The following LRP5 variants were observed in gnomAD, a reference collection of about 807,000 sequenced individuals.
The protein encoded by LRP5 is LDL receptor related protein 5.
In LRP5, 62 loss-of-function variants were observed where a neutral mutation model predicts 154.1. The observed-to-expected ratio is 0.40, with a 90% CI of 0.33 to 0.50. The LOEUF (loss-of-function observed/expected upper bound fraction) is 0.50, where lower values mean the gene tolerates loss of function less well. LRP5 is among the 20% of genes least tolerant of loss of function. The pLI, the probability that LRP5 is intolerant of heterozygous loss-of-function variation, is 0.55. For missense variants in LRP5, 1,915 were observed against 2,336.7 expected (o/e 0.82, Z 3.72); for synonymous variants, 966 against 1,011.5 (o/e 0.96, Z 0.85).
At chr11:68,302,437 C>T in the LRP5 span, among the ~76,000 whole-genome samples, 16 of 151,696 alleles carry the variant, frequency 1.1e-4, no homozygotes, top group African/African-American at 3.9e-4. Flanking sequence ...CCCATGCTTG[C>T]GGGGAGGGGG....
intron 7 of LRP5, among the ~76,000 whole-genome samples, chr11:68,395,660 C>T (rs956644596): frequency 6.6e-6 from 1 of 152,110 alleles, no homozygotes; most frequent in Non-Finnish European, 1.5e-5. Flanking sequence ...CCCTCTGTGG[C>T]CCTGGTGGCG....
At position 68,447,386 on chromosome 11, in the gene LRP5, C is replaced by T. The variant is rs1293717427; in HGVS notation, c.4586+853C>T. ...CAGCAGGGCCTCCCGAGTGTGGTGC[C>T]GCCTGCCACCTAGTGGCCATTTCCA... is the stretch of plus-strand genomic sequence containing the variant. On this transcript the variant is annotated intron_variant, in intron 22 of 22. Coordinates refer to ENST00000294304, the MANE Select transcript of LRP5 (RefSeq NM_002335.4). The surrounding 1 kb of genome is among the most constrained non-coding windows in gnomAD (Gnocchi z 4.3). Among the ~76,000 whole-genome samples the T allele has an allele frequency of 6.6e-6, 1 of 152,174 alleles. No individual in the cohort carries two copies. The highest frequency in any genetic ancestry group is 6.5e-5 in the Admixed American group (1 of 15,286).
At chr11:68,323,894 G>A (rs916697611) in intron 1 of LRP5, among the ~76,000 whole-genome samples, 4 of 152,186 alleles carry the variant, frequency 2.6e-5, no homozygotes, top group Admixed American at 6.5e-5. Context: ...CTGCAGTGCC[G>A]GAGGACTCCT....
upstream of LRP5, among the ~76,000 whole-genome samples, chr11:68,310,295 G>A (rs905583068): frequency 6.6e-6 from 1 of 152,218 alleles, no homozygotes; most frequent in Admixed American, 6.5e-5. Flanking sequence ...AGCAGAAAAG[G>A]TGGGAGGATC....
chr11:68,386,252 C>T lies in LRP5; in HGVS notation c.1016-64C>T. 1 of 1,598,104 alleles carries T rather than the reference C, an allele frequency of 6.3e-7. No homozygotes were observed. Among genetic ancestry groups the T allele is most frequent in the Non-Finnish European group, 8.5e-7 (1 of 1,176,262 alleles). Reference sequence around the variant, plus strand: ...AGTATTTCCCTTGCCCGGCCCACCCCAGGCCTAGACTTGTGCCTGCTGCAG... The same window carrying T: ...AGTATTTCCCTTGCCCGGCCCACCCTAGGCCTAGACTTGTGCCTGCTGCAG... On this transcript the variant is annotated intron_variant, in intron 5 of 22. Coordinates refer to ENST00000294304, the MANE Select transcript of LRP5 (RefSeq NM_002335.4). This position sits in a 1 kb window ranked among gnomAD's most constrained non-coding sequence, Gnocchi z 7.9.
chr11:68,306,575 G>T, the LRP5 span, among the ~76,000 whole-genome samples: 1 of 152,160 alleles, frequency 6.6e-6, no homozygotes, highest in Admixed American at 6.5e-5. Flanking sequence ...ACATTCACAG[G>T]TCCCAGGGAT....
chr11:68,439,288 C>T (rs1322420884), intron 20 of LRP5, among the ~76,000 whole-genome samples: 1 of 152,212 alleles, frequency 6.6e-6, no homozygotes, highest in Non-Finnish European at 1.5e-5. Flanking sequence ...CCTCTGCCTG[C>T]CCAGCCCTGA....
intron 1 of LRP5, among the ~76,000 whole-genome samples, chr11:68,336,976 T>C (rs575977843): frequency 6.6e-6 from 1 of 152,356 alleles, no homozygotes; most frequent in South Asian, 2.1e-4. Context: ...TAGATCTCTG[T>C]CTGTCCTGCT....
rs2098675300 is a variant in LRP5 at position 68,436,893 on chromosome 11, C to G, written c.4005C>G (p.Ile1335Met). Residue 1335 changes from isoleucine to methionine, a missense_variant, in exon 19 of 23, where the codon ATC becomes ATG. Around this residue, in one of 3 missense-constraint regions of LRP5, gnomAD observed 1,094 missense variants for 1,210.1 expected, o/e 0.90. Transcript: ENST00000294304. Reference protein sequence around the residue: ...DRSDEADCDAICLPNQFRCAS... With the variant: ...DRSDEADCDAMCLPNQFRCAS... ...GTGCATGGCCTCTCCTTGCAGCCAT[C>G]TGCCTGCCCAACCAGTTCCGGTGTG... 6.2e-7 allele frequency: 1 copy of G among 1,613,038 alleles called. No homozygotes were observed. Among genetic ancestry groups the G allele is most frequent in the Non-Finnish European group, 8.5e-7 (1 of 1,179,334 alleles).
At chr11:68,323,700 G>A (rs2098598050) in intron 1 of LRP5, among the ~76,000 whole-genome samples, 2 of 152,198 alleles carry the variant, frequency 1.3e-5, no homozygotes, top group African/African-American at 2.4e-5. Flanking sequence ...GATTATAGGC[G>A]TGAGCCACCG....
chr11:68,390,069 C>A lies in LRP5; in HGVS notation c.1584+17C>A. 1 of 1,613,962 alleles carries A rather than the reference C, an allele frequency of 6.2e-7. No individual in the cohort carries two copies. The highest frequency in any genetic ancestry group is 2.2e-5 in the East Asian group (1 of 44,876). On this transcript the variant is annotated intron_variant, in intron 7 of 22. Transcript: ENST00000294304. Reference sequence around the variant, plus strand: ...AAGATCGAGGTGAGGCTCCTGTGGACATGTTTGATCCAGGAGGCCAGGCCC... The same window carrying A: ...AAGATCGAGGTGAGGCTCCTGTGGAAATGTTTGATCCAGGAGGCCAGGCCC...
At chr11:68,322,294 G>A (rs928281153) in intron 1 of LRP5, among the ~76,000 whole-genome samples, 1 of 152,092 alleles carries the variant, frequency 6.6e-6, no homozygotes, top group African/African-American at 2.4e-5. Context: ...CAGGCCCTGC[G>A]GTGCATATTC....
chr11:68,354,655 C>T (rs1353168616), intron 2 of LRP5, among the ~76,000 whole-genome samples: 1 of 152,218 alleles, frequency 6.6e-6, no homozygotes, highest in African/African-American at 2.4e-5. Context: ...TCACCCACAC[C>T]CGGGCTTTGC....
intron 5 of LRP5, among the ~76,000 whole-genome samples, chr11:68,379,598 C>T (rs2098639205): frequency 6.6e-6 from 1 of 152,208 alleles, no homozygotes; most frequent in South Asian, 2.1e-4. Context: ...GCTGTTTCTC[C>T]TGTTAATTTG....
intron 13 of LRP5, among the ~76,000 whole-genome samples, chr11:68,420,668 C>T (rs1332233235): frequency 6.6e-6 from 1 of 151,122 alleles, no homozygotes; most frequent in East Asian, 1.9e-4. Context: ...TGTGCCTCTG[C>T]AGTCCAGCCT....
chr11:68,431,678 C>T (rs1279569884), intron 17 of LRP5, among the ~76,000 whole-genome samples: 3 of 152,196 alleles, frequency 2.0e-5, no homozygotes, highest in Non-Finnish European at 4.4e-5. Context: ...GACTGTCCCC[C>T]TCCTGAGCTT....
chr11:68,351,045 C>T (rs1009916974), intron 2 of LRP5, among the ~76,000 whole-genome samples: 2 of 152,052 alleles, frequency 1.3e-5, no homozygotes, highest in African/African-American at 2.4e-5. Flanking sequence ...CCCGTGTGAG[C>T]GAGTATGTGC....
In LRP5 at chr11:68,447,499, A is replaced by G. The variant is rs2098682090; in HGVS notation, c.4586+966A>G. ...CGGGCCACCTCCCTGATGCCTCAGT[A>G]TTATATCAAACTGTCACAGTCTGTC... On this transcript the variant is annotated intron_variant, in intron 22 of 22. Transcript: ENST00000294304. The surrounding 1 kb of genome is among the most constrained non-coding windows in gnomAD (Gnocchi z 4.3). Among the ~76,000 whole-genome samples, 1 of 152,072 alleles carries G rather than the reference A, an allele frequency of 6.6e-6. No individual in the cohort carries two copies.
chr11:68,331,351 G>A (rs1217128487), intron 1 of LRP5, among the ~76,000 whole-genome samples: 1 of 152,272 alleles, frequency 6.6e-6, no homozygotes, highest in African/African-American at 2.4e-5. Flanking sequence ...ACTTTCCGGA[G>A]TAGCCAAGCA....
Sources: allele counts gnomAD v4.1 joint callset (sites outside exome capture counted in the v4.1 genomes callset), GRCh38; gene constraint gnomAD v4.1.1; regional missense constraint gnomAD v4.1.1; non-coding constraint Gnocchi (gnomAD v3.1); transcripts MANE v1.5; gene names NCBI Gene and HGNC (gene_info 2026-07-23, HGNC 2026-07-21).